The following FNDC3B variants were observed in gnomAD, a reference collection of about 807,000 sequenced individuals.
The protein encoded by FNDC3B is fibronectin type III domain containing 3B.
Under a neutral mutation model 151.5 loss-of-function variants are expected in FNDC3B, and 12 were observed. The observed-to-expected ratio is 0.08, with a 90% CI of 0.05 to 0.13. FNDC3B has a LOEUF of 0.13. FNDC3B is among the 10% of genes least tolerant of loss of function. The probability of loss-of-function intolerance (pLI) is 1.00; values close to 1 mark genes in which losing one functional copy is unlikely to be tolerated. For synonymous variants in FNDC3B, 528 were observed against 549.0 expected (o/e 0.96, Z 0.54); for missense variants, 1,214 against 1,505.3 (o/e 0.81, Z 3.20).
chr3:172,294,945 T>A (rs531913603), intron 7 of FNDC3B, among the ~76,000 whole-genome samples: 1 of 152,340 alleles, frequency 6.6e-6, no homozygotes, highest in Admixed American at 6.5e-5. Context: ...TCTGCAGGAC[T>A]TCAGCGGGTA....
chr3:172,298,609 G>A (rs1311706684), intron 8 of FNDC3B, 119 bp from the exon 9 acceptor site: 4 of 532,552 alleles, frequency 7.5e-6, no homozygotes, highest in Admixed American at 3.1e-5. Flanking sequence ...CTGGTTTATG[G>A]TGGAATCTGA....
chr3:172,298,962 A>G (rs1407590404), intron 9 of FNDC3B, among the ~76,000 whole-genome samples, 175 bp downstream of exon 9: 4 of 152,246 alleles, frequency 2.6e-5, no homozygotes, highest in Non-Finnish European at 5.9e-5. Context: ...AAGACACAGA[A>G]GCGCTTCTGT....
rs184150210 is a variant in FNDC3B at position 172,209,342 on chromosome 3, C to T, written c.188-17529C>T. On this transcript the variant is annotated intron_variant, in intron 3 of 25. Transcript: ENST00000415807. ...GCCAGGAAAGTGTTACAGCTCCTTTCGTTCCTGCTGTTTGGTGGGTCTCGA... is the reference window on the plus strand; with the variant it reads ...GCCAGGAAAGTGTTACAGCTCCTTTTGTTCCTGCTGTTTGGTGGGTCTCGA... Among the ~76,000 whole-genome samples the T allele has an allele frequency of 4.0e-3, 616 of 152,294 alleles. 3 individuals are homozygous for T. The highest frequency in any genetic ancestry group is 0.014 in the African/African-American group (580 of 41,566).
chr3:172,204,668 A>C (rs1041190218), intron 3 of FNDC3B, among the ~76,000 whole-genome samples: 3 of 152,214 alleles, frequency 2.0e-5, no homozygotes, highest in Admixed American at 6.5e-5. Flanking sequence ...TGAAAGGGTG[A>C]AAATAAAGTG....
At chr3:172,346,540 A>T in intron 20 of FNDC3B, 100 bp downstream of exon 20, 5 of 548,206 alleles carry the variant, frequency 9.1e-6, no homozygotes, top group South Asian at 2.2e-5. Flanking sequence ...ATGCACATAT[A>T]GATGATTTTT....
chr3:172,361,957 C>T (rs1040817779), intron 22 of FNDC3B, among the ~76,000 whole-genome samples: 1 of 152,190 alleles, frequency 6.6e-6, no homozygotes, highest in Non-Finnish European at 1.5e-5. Context: ...CAGGTGTAAG[C>T]CACCACGCCT....
At chr3:172,192,747 T>A (rs569286982) in intron 3 of FNDC3B, among the ~76,000 whole-genome samples, 9 of 152,002 alleles carry the variant, frequency 5.9e-5, no homozygotes, top group South Asian at 4.2e-4. Flanking sequence ...ATATATATAT[T>A]TTTTACCTCA....
At chr3:172,049,787 A>G (rs1323112989) in intron 1 of FNDC3B, among the ~76,000 whole-genome samples, 1 of 152,154 alleles carries the variant, frequency 6.6e-6, no homozygotes, top group African/African-American at 2.4e-5. Context: ...TCTACCTCCC[A>G]AAGTCCTGGG....
chr3:172,290,017 G>A (rs1730242160), intron 7 of FNDC3B, among the ~76,000 whole-genome samples: 1 of 152,212 alleles, frequency 6.6e-6, no homozygotes, highest in African/African-American at 2.4e-5. Context: ...TGAAACTTCT[G>A]TGCTCTTACA....
chr3:172,250,555 A>G (rs1239639656), intron 5 of FNDC3B, among the ~76,000 whole-genome samples: 1 of 152,194 alleles, frequency 6.6e-6, no homozygotes, highest in Non-Finnish European at 1.5e-5. Context: ...TTCTAAGTAC[A>G]TGTTTAATAG....
At chr3:172,133,568 A>G in intron 3 of FNDC3B, 22 bp downstream of exon 3, 1 of 1,535,420 alleles carries the variant, frequency 6.5e-7, no homozygotes, top group Non-Finnish European at 9.0e-7. Context: ...TTTGGTAAAT[A>G]TTCTAATCAA....
intron 1 of FNDC3B, among the ~76,000 whole-genome samples, chr3:172,103,503 A>G (rs1292671703): frequency 6.6e-6 from 1 of 152,104 alleles, no homozygotes; most frequent in Admixed American, 6.6e-5. Flanking sequence ...CCAAATTTAA[A>G]ATTATGCCAA....
chr3:172,044,081 A>G (rs1716236195), intron 1 of FNDC3B, among the ~76,000 whole-genome samples: 1 of 152,242 alleles, frequency 6.6e-6, no homozygotes, highest in South Asian at 2.1e-4. Flanking sequence ...GAAATCAAAT[A>G]TCAAACACAT....
At chr3:172,137,007 T>G (rs1721404707) in intron 3 of FNDC3B, among the ~76,000 whole-genome samples, 1 of 152,138 alleles carries the variant, frequency 6.6e-6, no homozygotes, top group Non-Finnish European at 1.5e-5. Flanking sequence ...TCCGGCGGTG[T>G]TTTTCTAAAT....
chr3:172,377,186 A>G (rs571118269), intron 23 of FNDC3B, among the ~76,000 whole-genome samples: 5 of 152,260 alleles, frequency 3.3e-5, no homozygotes, highest in African/African-American at 4.8e-5. Context: ...GCCAACTTCC[A>G]GTATCTGAAG....
chr3:172,075,350 C>G (rs1262523924), intron 1 of FNDC3B, among the ~76,000 whole-genome samples: 1 of 152,118 alleles, frequency 6.6e-6, no homozygotes, highest in African/African-American at 2.4e-5. Context: ...CTGGTTCTGC[C>G]TCTGCCCGCC....
At chr3:172,090,955 G>T (rs887797644) in intron 1 of FNDC3B, among the ~76,000 whole-genome samples, 1 of 152,178 alleles carries the variant, frequency 6.6e-6, no homozygotes, top group Admixed American at 6.5e-5. Flanking sequence ...ATGATACTTT[G>T]TATTATGTAT....
chr3:172,258,923 G>A (rs555759632), intron 6 of FNDC3B, among the ~76,000 whole-genome samples: 1 of 152,290 alleles, frequency 6.6e-6, no homozygotes, highest in South Asian at 2.1e-4. Flanking sequence ...ACATATCCTA[G>A]GCATGCTCAG....
chr3:172,290,507 G>A (rs1047232126), intron 7 of FNDC3B, among the ~76,000 whole-genome samples: 1 of 152,116 alleles, frequency 6.6e-6, no homozygotes, highest in Admixed American at 6.6e-5. Context: ...CTCTGGTGGT[G>A]GTGCTAGATG....
Sources: gnomAD v4.1 joint callset for allele counts (sites outside exome capture counted in the v4.1 genomes callset) on GRCh38, gnomAD v4.1.1 for gene constraint, MANE v1.5 for transcripts, NCBI Gene and HGNC (gene_info 2026-07-23, HGNC 2026-07-21) for gene names.